Variants in CIRSR observed in about 807,000 individuals in gnomAD.
CIRSR encodes corepressor of RBPJ and splicing regulator.
the CIRSR span, chr2:174,351,807 G>T: frequency 1.1e-6 from 1 of 940,714 alleles, no homozygotes; most frequent in Non-Finnish European, 1.6e-6. Flanking sequence ...TGCAGTTGAA[G>T]CTTTGTTAAG....
the CIRSR span, among the ~76,000 whole-genome samples, chr2:174,363,951 GC>G: frequency 1.3e-5 from 2 of 152,016 alleles, no homozygotes; most frequent in Non-Finnish European, 2.9e-5. Context: ...AACAAATAAT[GC>G]CTTCCCAACA....
chr2:174,351,564 G>A, the CIRSR span: 6 of 1,414,786 alleles, frequency 4.2e-6, no homozygotes, highest in East Asian at 2.4e-5. Context: ...CAATTCACAA[G>A]CAATCACATT....
the CIRSR span, chr2:174,348,470 A>G: frequency 6.4e-7 from 1 of 1,568,698 alleles, no homozygotes; most frequent in Non-Finnish European, 8.6e-7. Flanking sequence ...TAATTGTCAC[A>G]TACAGTCTTT....
chr2:174,391,660 T>C, the CIRSR span, among the ~76,000 whole-genome samples: 1 of 151,872 alleles, frequency 6.6e-6, no homozygotes, highest in East Asian at 1.9e-4. Context: ...AACGATGGAG[T>C]GAGATTACTT....
At chr2:174,391,023 T>C in the CIRSR span, among the ~76,000 whole-genome samples, 1 of 152,216 alleles carries the variant, frequency 6.6e-6, no homozygotes, top group Admixed American at 6.5e-5. Flanking sequence ...AAGACTAATA[T>C]GGATCAGTAA....
the CIRSR span, among the ~76,000 whole-genome samples, chr2:174,375,518 G>GAT: frequency 6.6e-6 from 1 of 152,064 alleles, no homozygotes. Flanking sequence ...CTGAGGTGAG[G>GAT]GGATTGCTTG....
At chr2:174,372,100 T>G in the CIRSR span, among the ~76,000 whole-genome samples, 1 of 152,256 alleles carries the variant, frequency 6.6e-6, no homozygotes, top group African/African-American at 2.4e-5. Flanking sequence ...TGAGAAATCT[T>G]TAAGAGTTTC....
chr2:174,354,205 T>C, the CIRSR span, among the ~76,000 whole-genome samples: 241 of 151,032 alleles, frequency 1.6e-3, no homozygotes, highest in African/African-American at 5.5e-3. Context: ...CTCTGTGTAG[T>C]ATATAAATTT....
At chr2:174,359,334 TAAAAAA>T in the CIRSR span, among the ~76,000 whole-genome samples, 1 of 136,734 alleles carries the variant, frequency 7.3e-6, no homozygotes, top group Non-Finnish European at 1.6e-5. Context: ...GCATTTTACT[TAAAAAA>T]AAAAAAAAAA....
the CIRSR span, chr2:174,350,720 T>C: frequency 1.2e-6 from 2 of 1,609,684 alleles, no homozygotes; most frequent in Non-Finnish European, 1.7e-6. Flanking sequence ...TTCTGGATCT[T>C]CTTCACCCTC....
the CIRSR span, chr2:174,387,555 C>A: frequency 1.0e-6 from 1 of 981,772 alleles, no homozygotes; most frequent in Non-Finnish European, 1.4e-6. Flanking sequence ...AGAGATAGCC[C>A]TCACGGAAAG....
the CIRSR span, among the ~76,000 whole-genome samples, chr2:174,373,142 A>C: frequency 2.0e-5 from 3 of 152,318 alleles, no homozygotes; most frequent in Admixed American, 1.3e-4. Context: ...AAAGTTACTG[A>C]TTTTTTAAAT....
chr2:174,367,228 A>C, the CIRSR span, among the ~76,000 whole-genome samples: 1 of 152,166 alleles, frequency 6.6e-6, no homozygotes, highest in East Asian at 1.9e-4. Flanking sequence ...GGAGGCCAGG[A>C]GTTGAAGACC....
chr2:174,353,349 C>T, the CIRSR span, among the ~76,000 whole-genome samples: 1 of 151,760 alleles, frequency 6.6e-6, no homozygotes, highest in Non-Finnish European at 1.5e-5. Context: ...CTTTAATGGC[C>T]CTTTAATTAT....
the CIRSR span, chr2:174,348,348 G>A: frequency 1.6e-6 from 2 of 1,271,916 alleles, no homozygotes; most frequent in Non-Finnish European, 2.1e-6. Context: ...TGAATTGACA[G>A]TCTAGAGATG....
chr2:174,350,178 C>A, the CIRSR span, among the ~76,000 whole-genome samples: 4 of 152,078 alleles, frequency 2.6e-5, no homozygotes, highest in African/African-American at 9.7e-5. Flanking sequence ...ACTCTACATA[C>A]TGAAAGCATC....
chr2:174,380,900 AT>A, the CIRSR span: 2 of 584,744 alleles, frequency 3.4e-6, no homozygotes, highest in Non-Finnish European at 2.3e-6. Flanking sequence ...ACACTATGAT[AT>A]CATGTTATTT....
chr2:174,354,502 TTATA>T, the CIRSR span, among the ~76,000 whole-genome samples: 2 of 67,256 alleles, frequency 3.0e-5, no homozygotes, highest in African/African-American at 5.3e-5. Flanking sequence ...ATAAATTATA[TTATA>T]TATATCATAT....
the CIRSR span, among the ~76,000 whole-genome samples, chr2:174,353,932 C>G: frequency 4.0e-3 from 605 of 152,008 alleles, 9 homozygotes; most frequent in African/African-American, 0.014. Flanking sequence ...AGACACCAAA[C>G]TTGTTAATAA....
Sources: gnomAD v4.1 joint callset for allele counts (sites outside exome capture counted in the v4.1 genomes callset) on GRCh38, gnomAD v4.1.1 for gene constraint, MANE v1.5 for transcripts, NCBI Gene and HGNC (gene_info 2026-07-23, HGNC 2026-07-21) for gene names.